The following FBXW7 variants were observed in gnomAD, a reference collection of about 807,000 sequenced individuals.
FBXW7 encodes F-box and WD repeat domain containing 7, also known as F-box/WD repeat-containing protein 7.
In FBXW7, 11 loss-of-function variants were observed where a neutral mutation model predicts 86.3. The ratio of observed to expected loss-of-function variants is 0.13; its 90% CI spans 0.08 to 0.21. The LOEUF is 0.21. FBXW7 is among the 10% of genes least tolerant of loss of function. The probability of loss-of-function intolerance (pLI) is 1.00; values close to 1 mark genes in which losing one functional copy is unlikely to be tolerated. For missense variants in FBXW7, 488 were observed against 847.4 expected, an observed-to-expected ratio of 0.58 and a Z score of 5.27; for synonymous variants, 313 against 297.9, an observed-to-expected ratio of 1.05 and a Z score of -0.52.
intron 2 of FBXW7, among the ~76,000 whole-genome samples, chr4:152,509,309 T>C (rs146828360): frequency 1.6e-4 from 25 of 152,258 alleles, no homozygotes; most frequent in Admixed American, 6.5e-4. Flanking sequence ...TTTTGGGAAC[T>C]TGAATGAAGG....
At chr4:152,326,714 T>C (rs1235086085) in intron 11 of FBXW7, among the ~76,000 whole-genome samples, 1 of 152,128 alleles carries the variant, frequency 6.6e-6, no homozygotes, top group East Asian at 1.9e-4. Flanking sequence ...TATGAATGCA[T>C]ATATTCCCTT....
intron 2 of FBXW7, among the ~76,000 whole-genome samples, chr4:152,527,543 G>A (rs1201848900): frequency 1.3e-5 from 2 of 152,198 alleles, no homozygotes; most frequent in Non-Finnish European, 1.5e-5. Context: ...CATTTCAGGA[G>A]GACTGCTTGA....
chr4:152,432,436 A>G (rs1003143915), intron 2 of FBXW7, among the ~76,000 whole-genome samples: 4 of 152,220 alleles, frequency 2.6e-5, no homozygotes, highest in African/African-American at 9.6e-5. Context: ...TAATTGAGGT[A>G]CTTTTTATAT....
chr4:152,473,617 A>G (rs1744149083), intron 2 of FBXW7, among the ~76,000 whole-genome samples: 1 of 152,060 alleles, frequency 6.6e-6, no homozygotes, highest in African/African-American at 2.4e-5. Flanking sequence ...AGTAGCTAGG[A>G]CTACAGGTGT....
chr4:152,456,573 G>A (rs981424873), intron 2 of FBXW7, among the ~76,000 whole-genome samples: 1 of 151,860 alleles, frequency 6.6e-6, no homozygotes. Context: ...GCAAAGATTC[G>A]AGAAAATACT....
chr4:152,485,729 G>C (rs1745275447), intron 2 of FBXW7, among the ~76,000 whole-genome samples: 1 of 152,128 alleles, frequency 6.6e-6, no homozygotes, highest in East Asian at 1.9e-4. Flanking sequence ...CAGGTCTGGG[G>C]TAAGAAAACC....
chr4:152,338,163 A>G (rs1386009622), intron 6 of FBXW7: 3 of 344,812 alleles, frequency 8.7e-6, no homozygotes, highest in South Asian at 2.7e-4. Context: ...AACATGTTTG[A>G]CAGAAAAATA....
intron 4 of FBXW7, among the ~76,000 whole-genome samples, chr4:152,407,373 C>T (rs929608833): frequency 4.6e-5 from 7 of 152,128 alleles, no homozygotes; most frequent in African/African-American, 1.7e-4. Flanking sequence ...AAGATGACTG[C>T]CTTAAATAGC....
intron 4 of FBXW7, among the ~76,000 whole-genome samples, chr4:152,404,204 G>A (rs929466872): frequency 1.3e-5 from 2 of 152,092 alleles, no homozygotes; most frequent in African/African-American, 4.8e-5. Flanking sequence ...TTTCCTGTGA[G>A]GAACATCTTT....
intron 2 of FBXW7, among the ~76,000 whole-genome samples, chr4:152,510,862 C>T (rs913291835): frequency 2.6e-5 from 4 of 151,956 alleles, no homozygotes; most frequent in Non-Finnish European, 4.4e-5. Flanking sequence ...GCTTTTTCCC[C>T]AAATGAATAG....
intron 2 of FBXW7, among the ~76,000 whole-genome samples, chr4:152,434,396 A>G (rs1740191869): frequency 6.6e-6 from 1 of 152,222 alleles, no homozygotes; most frequent in South Asian, 2.1e-4. Context: ...GGAAAGTGAG[A>G]CGTGCAATAG....
rs1009874441 is a variant in FBXW7, at chr4:152,426,274, T to C, written c.-119-13745A>G. ...GAAAAATAGAATCAAAGGTCTAGTA[T>C]ATATCTAGTTGGAGTTCCAGAAAGA... On this transcript the variant is annotated intron_variant, in intron 2 of 13. Transcript: ENST00000281708. Among the ~76,000 whole-genome samples the C allele has an allele frequency of 4.0e-5, 6 of 151,832 alleles. No individual in the cohort carries two copies. The South Asian group carries it at 8.3e-4, about 21-fold the overall frequency.
intron 2 of FBXW7, among the ~76,000 whole-genome samples, chr4:152,452,548 ATCTT>A (rs1283994743): frequency 6.6e-6 from 1 of 152,220 alleles, no homozygotes; most frequent in Non-Finnish European, 1.5e-5. Context: ...CAATACTAAC[ATCTT>A]TCTTTTTTTA....
intron 4 of FBXW7, among the ~76,000 whole-genome samples, chr4:152,369,404 T>C (rs1269360703): frequency 2.0e-5 from 3 of 152,090 alleles, no homozygotes; most frequent in African/African-American, 7.2e-5. Context: ...ACGAGGGTGA[T>C]GGCTGGGATG....
At chr4:152,351,215 T>C (rs1421883126) in intron 4 of FBXW7, among the ~76,000 whole-genome samples, 3 of 152,068 alleles carry the variant, frequency 2.0e-5, no homozygotes, top group African/African-American at 4.8e-5. Flanking sequence ...CATCATAACA[T>C]AGCATGATAC....
chr4:152,499,757 C>T (rs1159691410), intron 2 of FBXW7, among the ~76,000 whole-genome samples: 1 of 152,140 alleles, frequency 6.6e-6, no homozygotes, highest in African/African-American at 2.4e-5. Context: ...AGGGTTTCAC[C>T]ATGTTGCCCA....
intron 2 of FBXW7, among the ~76,000 whole-genome samples, chr4:152,440,367 T>C (rs1474706046): frequency 1.3e-5 from 2 of 152,172 alleles, no homozygotes; most frequent in Non-Finnish European, 2.9e-5. Context: ...GTACATACTG[T>C]CCCTGGTTAG....
At chr4:152,371,519 C>T (rs1382806980) in intron 4 of FBXW7, among the ~76,000 whole-genome samples, 2 of 151,880 alleles carry the variant, frequency 1.3e-5, no homozygotes, top group Non-Finnish European at 2.9e-5. Context: ...TCAATAAGGC[C>T]ACTAACTTAA....
chr4:152,324,549 G>A (rs1728836448), intron 12 of FBXW7, 155 bp from the exon 13 acceptor site: 2 of 613,186 alleles, frequency 3.3e-6, no homozygotes, highest in Non-Finnish European at 5.7e-6. Flanking sequence ...AGGATAAAGT[G>A]CATGCCATCA....
Sources: gnomAD v4.1 joint callset for allele counts (sites outside exome capture counted in the v4.1 genomes callset) on GRCh38, gnomAD v4.1.1 for gene constraint, MANE v1.5 for transcripts, NCBI Gene and HGNC (gene_info 2026-07-23, HGNC 2026-07-21) for gene names.